Variants in RBMS1 observed in about 807,000 individuals in gnomAD.
RBMS1 encodes RNA-binding motif, single-stranded-interacting protein 1.
A neutral mutation model predicts 62.3 loss-of-function variants in RBMS1; 17 were observed. The observed-to-expected ratio is 0.27, with a 90% CI of 0.19 to 0.41. RBMS1 has a LOEUF of 0.41. Ranked by LOEUF, RBMS1 falls within the 10% of genes least tolerant of loss-of-function variation. The pLI, the probability that RBMS1 is intolerant of heterozygous loss-of-function variation, is 1.00. For missense variants in RBMS1, 334 were observed against 504.5 expected (o/e 0.66, Z 3.24); for synonymous variants, 172 against 170.0 (o/e 1.01, Z -0.09).
At chr2:160,470,022 A>T (rs1472360831) in intron 1 of RBMS1, among the ~76,000 whole-genome samples, 1 of 152,162 alleles carries the variant, frequency 6.6e-6, no homozygotes, top group Non-Finnish European at 1.5e-5. Flanking sequence ...AGACAGTAAA[A>T]CTGCACAGAT....
At chr2:160,386,020 T>C (rs1400015570) in intron 1 of RBMS1, among the ~76,000 whole-genome samples, 2 of 151,898 alleles carry the variant, frequency 1.3e-5, no homozygotes, top group African/African-American at 2.4e-5. Context: ...CTGAAAGAAC[T>C]TCTGAACTAG....
intron 2 of RBMS1, among the ~76,000 whole-genome samples, chr2:160,365,990 T>G: frequency 6.6e-6 from 1 of 152,140 alleles, no homozygotes; most frequent in South Asian, 2.1e-4. Flanking sequence ...ATTATTTCAC[T>G]GCCCCAAAAG....
At chr2:160,370,909 A>G (rs1693690713) in intron 1 of RBMS1, among the ~76,000 whole-genome samples, 1 of 152,228 alleles carries the variant, frequency 6.6e-6, no homozygotes, top group Non-Finnish European at 1.5e-5. Context: ...TAATTAACAC[A>G]CAGTCTGTTA....
At chr2:160,363,442 C>G (rs1222668864) in intron 2 of RBMS1, among the ~76,000 whole-genome samples, 1 of 152,100 alleles carries the variant, frequency 6.6e-6, no homozygotes, top group Non-Finnish European at 1.5e-5. Flanking sequence ...GCGTTTGGAC[C>G]TGGCCTTGCT....
intron 2 of RBMS1, among the ~76,000 whole-genome samples, chr2:160,360,123 TGG>T (rs1236107074): frequency 6.6e-6 from 1 of 152,002 alleles, no homozygotes; most frequent in Non-Finnish European, 1.5e-5. Context: ...AACTAGCTAG[TGG>T]TTTCAGAAAA....
intron 2 of RBMS1, among the ~76,000 whole-genome samples, chr2:160,359,117 G>C (rs1692975881): frequency 6.6e-6 from 1 of 152,136 alleles, no homozygotes; most frequent in Non-Finnish European, 1.5e-5. Flanking sequence ...ATCACCAGCA[G>C]TAAGACAGTT....
chr2:160,485,113 A>G (rs769090962), intron 1 of RBMS1, among the ~76,000 whole-genome samples: 4 of 152,100 alleles, frequency 2.6e-5, no homozygotes, highest in African/African-American at 7.2e-5. Context: ...AAAGGAAAAG[A>G]TTTTATTTTA....
chr2:160,467,303 A>G (rs1187408002), intron 1 of RBMS1, among the ~76,000 whole-genome samples: 1 of 152,194 alleles, frequency 6.6e-6, no homozygotes, highest in African/African-American at 2.4e-5. Flanking sequence ...CCTAGCCACA[A>G]AGGAGAAGAA....
intron 1 of RBMS1, among the ~76,000 whole-genome samples, chr2:160,418,191 A>C (rs1473182637): frequency 1.3e-5 from 2 of 152,350 alleles, no homozygotes; most frequent in East Asian, 3.9e-4. Context: ...CCTTGAGAAC[A>C]TGAATACTGG....
intron 2 of RBMS1, among the ~76,000 whole-genome samples, chr2:160,351,315 T>C (rs1191135219): frequency 2.0e-5 from 3 of 151,550 alleles, no homozygotes; most frequent in African/African-American, 7.3e-5. Context: ...ACCCTAGAAC[T>C]TAAAGTATAA....
Position 160,382,113 on chromosome 2 carries a change from T to C in RBMS1, c.76-14722A>G, listed in dbSNP as rs149880112. ...GCTTTATGTGTTTGGTGAAGGAACA[T>C]AGATTAACATTATGTTAGAAACCAT... On this transcript the variant is annotated intron_variant, in intron 1 of 13. Transcript: ENST00000348849. 4.5e-4 allele frequency among the ~76,000 whole-genome samples: 68 copies of C among 152,280 alleles called. No individual in the cohort carries two copies. In the East Asian group the frequency reaches 0.011, roughly 24 times the overall value.
chr2:160,314,471 TTAG>T (rs1163259937), intron 3 of RBMS1, among the ~76,000 whole-genome samples: 1 of 152,064 alleles, frequency 6.6e-6, no homozygotes, highest in Non-Finnish European at 1.5e-5. Context: ...TCTATCTAAA[TTAG>T]TAGTAATTTA....
At chr2:160,450,003 A>AC (rs1388735396) in intron 1 of RBMS1, among the ~76,000 whole-genome samples, 1 of 151,786 alleles carries the variant, frequency 6.6e-6, no homozygotes, top group African/African-American at 2.4e-5. Flanking sequence ...AACAAGCCCC[A>AC]CCTCAAGCCC....
At chr2:160,285,715 T>G (rs181972511) in intron 7 of RBMS1, among the ~76,000 whole-genome samples, 334 of 151,848 alleles carry the variant, frequency 2.2e-3, no homozygotes, top group African/African-American at 7.4e-3. Flanking sequence ...ATATAAATAT[T>G]TAGATTACTA....
chr2:160,476,193 T>C (rs1056400998), intron 1 of RBMS1, among the ~76,000 whole-genome samples: 1 of 152,146 alleles, frequency 6.6e-6, no homozygotes, highest in African/African-American at 2.4e-5. Context: ...ATATTCATGA[T>C]ATTTAACTTA....
intron 9 of RBMS1, 150 bp downstream of exon 9, chr2:160,284,625 C>A: frequency 1.5e-6 from 1 of 664,960 alleles, no homozygotes; most frequent in South Asian, 1.7e-5. Flanking sequence ...CTGCCAAATA[C>A]AAAGCAGCTC....
intron 2 of RBMS1, among the ~76,000 whole-genome samples, chr2:160,363,995 T>G (rs1693266278): frequency 6.6e-6 from 1 of 152,204 alleles, no homozygotes; most frequent in Non-Finnish European, 1.5e-5. Flanking sequence ...ATGGCTAAGA[T>G]GTCAAGAAAA....
At position 160,474,240 on chromosome 2, in the gene RBMS1, T is replaced by C. The variant is rs188504366; in HGVS notation, c.75+19049A>G. 1.2e-3 allele frequency among the ~76,000 whole-genome samples: 186 copies of C among 152,302 alleles called. 1 individual carries two copies. Among genetic ancestry groups the C allele is most frequent in the Middle Eastern group, 0.01 (3 of 294 alleles). ...AGTGTTAGCTGGACTTCTGACAAAA[T>C]TCCTTCAGAGGTAAAATAAAAAGAA... is the stretch of plus-strand genomic sequence containing the variant. On this transcript the variant is annotated intron_variant, in intron 1 of 13. Transcript: ENST00000348849.
At chr2:160,304,822 A>G (rs1689412214) in intron 4 of RBMS1, among the ~76,000 whole-genome samples, 1 of 152,198 alleles carries the variant, frequency 6.6e-6, no homozygotes, top group African/African-American at 2.4e-5. Flanking sequence ...TATAAAGTAA[A>G]AAAGTTACAA....
Sources: gnomAD v4.1 joint callset for allele counts (sites outside exome capture counted in the v4.1 genomes callset) on GRCh38, gnomAD v4.1.1 for gene constraint, MANE v1.5 for transcripts, NCBI Gene and HGNC (gene_info 2026-07-23, HGNC 2026-07-21) for gene names.